The following DOK7 variants were observed in gnomAD, a reference collection of about 807,000 sequenced individuals.
DOK7 encodes docking protein 7.
Under a neutral mutation model 30.7 loss-of-function variants are expected in DOK7, and 32 were observed. That is an observed-to-expected ratio of 1.04 (90% CI 0.79 to 1.40). The LOEUF is 1.40. DOK7 is among the 40% of genes most tolerant of loss of function. The pLI is 0.00. For missense variants in DOK7, 1,007 were observed against 699.2 expected (o/e 1.44, Z -4.97); for synonymous variants, 447 against 324.1 (o/e 1.38, Z -4.07).
At chr4:3,491,497 T>C (rs1728440939) in intron 6 of DOK7, among the ~76,000 whole-genome samples, 1 of 105,506 alleles carries the variant, frequency 9.5e-6, no homozygotes, top group Non-Finnish European at 2.0e-5. Flanking sequence ...TCCTTGTCCC[T>C]CCGCTTATTC....
chr4:3,481,746 G>A (rs1727456062), intron 4 of DOK7, among the ~76,000 whole-genome samples: 1 of 152,186 alleles, frequency 6.6e-6, no homozygotes, highest in Admixed American at 6.5e-5. Flanking sequence ...TGACATCAAG[G>A]GGCAGCCACG....
At chr4:3,468,926 A>AT (rs1402129885) in intron 2 of DOK7, among the ~76,000 whole-genome samples, 40 of 122,228 alleles carry the variant, frequency 3.3e-4, no homozygotes, top group Admixed American at 6.5e-4. Context: ...TGTGTGTATG[A>AT]GTGTGCGTGC....
At chr4:3,489,109 A>G (rs1727999999) in intron 5 of DOK7, among the ~76,000 whole-genome samples, 1 of 152,144 alleles carries the variant, frequency 6.6e-6, no homozygotes, top group African/African-American at 2.4e-5. Flanking sequence ...TGCTCCCTGG[A>G]TGCAGCCCTG....
chr4:3,463,487 C>A lies in DOK7; in HGVS notation c.55-19C>A. The A allele has an allele frequency of 6.7e-7, 1 of 1,483,944 alleles. No homozygotes were observed. The highest frequency in any genetic ancestry group is 8.9e-7 in the Non-Finnish European group (1 of 1,122,440). 91.9% of individuals were successfully genotyped at this position (1,483,944 alleles called of 1,614,324 possible). Reference sequence around the variant, plus strand: ...GCGCGGGCGCGGGCGGCGGCTCACGCTCCCCCCTGTCCCCGCAGTGGAAGA... The same window carrying A: ...GCGCGGGCGCGGGCGGCGGCTCACGATCCCCCCTGTCCCCGCAGTGGAAGA... On this transcript the variant is annotated intron_variant, in intron 1 of 6. Coordinates refer to ENST00000340083, the MANE Select transcript of DOK7 (RefSeq NM_173660.5).
intron 5 of DOK7, 126 bp downstream of exon 5, chr4:3,485,784 G>A (rs1727742325): frequency 1.5e-6 from 2 of 1,320,132 alleles, no homozygotes; most frequent in African/African-American, 1.5e-5. Context: ...CCCAGCTAAG[G>A]AACCAGAACC....
intron 5 of DOK7, among the ~76,000 whole-genome samples, chr4:3,488,900 C>T (rs547007339): frequency 2.0e-5 from 3 of 151,996 alleles, no homozygotes; most frequent in Non-Finnish European, 4.4e-5. Context: ...AGCCACTTGG[C>T]CCAGTGTTCA....
In DOK7 at chr4:3,493,127, C is replaced by T. The variant is rs574663125; in HGVS notation, c.1141C>T (p.Pro381Ser). 16 of 1,594,486 alleles carry T rather than the reference C, an allele frequency of 1.0e-5. No individual in the cohort carries two copies. The African/African-American group carries it at 1.5e-4, about 15-fold the overall frequency. ...GCTCAGCCTGCCAGCAGCGGGGGCC[C>T]CCGAGCCCAGCCTGTGCACCTGCCT... Reference protein sequence around the residue: ...SLLSLPAAGAPEPSLCTCLPG... With the variant: ...SLLSLPAAGASEPSLCTCLPG... Residue 381 changes from proline to serine, a missense_variant, in exon 7 of 7, where the codon CCC becomes TCC. Pro to Ser is a moderately conservative substitution (Grantham distance 74). Coordinates refer to ENST00000340083, the MANE Select transcript of DOK7 (RefSeq NM_173660.5).
Position 3,463,443 on chromosome 4 carries a change from G to C in DOK7, c.54+14G>C. 2.2e-6 allele frequency: 3 copies of C among 1,353,644 alleles called. No individual in the cohort carries two copies. The highest frequency in any genetic ancestry group is 2.8e-6 in the Non-Finnish European group (3 of 1,059,686). The allele number at this position is 1,353,644 out of a possible 1,614,324, so 83.9% of individuals were successfully genotyped here. ...GACGGCAAGAAGGTCGGGGCGCGTC[G>C]GGGGCGCGGGGGGGGGGGGCGCGGG... On this transcript the variant is annotated intron_variant, in intron 1 of 6. Coordinates refer to ENST00000340083, the MANE Select transcript of DOK7 (RefSeq NM_173660.5).
At chr4:3,500,259 G>A in exon 7 of DOK7, 4 of 1,535,678 alleles carry the variant, frequency 2.6e-6, no homozygotes, top group Non-Finnish European at 3.5e-6. Flanking sequence ...AGGATCCCCA[G>A]GACCCGTGGC....
In DOK7 at chr4:3,474,438, G is replaced by A. The variant is rs139436711; in HGVS notation, c.331+802G>A. ...CTCATACCTGTAATTCCAGTACTTC[G>A]GGAGGCTGAGGTGGGTGGATCACCT... On this transcript the variant is annotated intron_variant, in intron 3 of 6. Transcript: ENST00000340083. Among the ~76,000 whole-genome samples the A allele has an allele frequency of 7.8e-3, 1,183 of 152,188 alleles. 15 individuals carry two copies. The highest frequency in any genetic ancestry group is 0.027 in the African/African-American group (1,125 of 41,522).
At chr4:3,468,096 ATG>A (rs1726418481) in intron 2 of DOK7, among the ~76,000 whole-genome samples, 1 of 152,148 alleles carries the variant, frequency 6.6e-6, no homozygotes, top group Non-Finnish European at 1.5e-5. Context: ...GTGCAAGTGC[ATG>A]ACTGTGTCCA....
chr4:3,486,863 G>T (rs994353546), intron 5 of DOK7, among the ~76,000 whole-genome samples: 1 of 149,834 alleles, frequency 6.7e-6, no homozygotes, highest in South Asian at 2.1e-4. Flanking sequence ...ACAGGGCCGG[G>T]CAGGGGCAGC....
intron 2 of DOK7, 36 bp from the exon 3 acceptor site, chr4:3,473,370 G>A: frequency 6.2e-7 from 1 of 1,604,810 alleles, no homozygotes; most frequent in Non-Finnish European, 8.5e-7. Context: ...GGCAGGCGGT[G>A]TTGGCTGGCG....
intron 2 of DOK7, among the ~76,000 whole-genome samples, chr4:3,468,199 C>T (rs969709553): frequency 4.4e-5 from 6 of 137,410 alleles, no homozygotes; most frequent in Non-Finnish European, 7.7e-5. Context: ...TGTGTGTGCA[C>T]AAGTGTGTGT....
intron 2 of DOK7, among the ~76,000 whole-genome samples, chr4:3,472,702 C>T (rs937663595): frequency 1.3e-5 from 2 of 152,196 alleles, no homozygotes; most frequent in African/African-American, 4.8e-5. Flanking sequence ...GTGACAGTGA[C>T]GTTGGAAAAT....
chr4:3,477,245 G>A (rs576952213), intron 4 of DOK7, among the ~76,000 whole-genome samples: 1 of 152,268 alleles, frequency 6.6e-6, no homozygotes, highest in Admixed American at 6.5e-5. Flanking sequence ...TGCAGTCCCC[G>A]CGGAGGGTGT....
At chr4:3,483,189 T>C (rs1296766634) in intron 4 of DOK7, among the ~76,000 whole-genome samples, 1 of 5,004 alleles carries the variant, frequency 2.0e-4, no homozygotes, top group Non-Finnish European at 3.3e-4. Context: ...TGAGTGGAGA[T>C]GTAGGGGTGT....
chr4:3,487,980 G>A (rs28575346), intron 5 of DOK7, among the ~76,000 whole-genome samples: 19,808 of 152,312 alleles, frequency 0.13, 1,389 homozygotes, highest in African/African-American at 0.15. Flanking sequence ...GAAAGTGCCA[G>A]GAGCTGCTAA....
chr4:3,472,929 G>C (rs963304105), intron 2 of DOK7, among the ~76,000 whole-genome samples: 1 of 152,224 alleles, frequency 6.6e-6, no homozygotes, highest in Non-Finnish European at 1.5e-5. Flanking sequence ...AGGAGGGGCG[G>C]TGGGTCTCGA....
Sources: gnomAD v4.1 joint callset for allele counts (sites outside exome capture counted in the v4.1 genomes callset) on GRCh38, gnomAD v4.1.1 for gene constraint, MANE v1.5 for transcripts, NCBI Gene and HGNC (gene_info 2026-07-23, HGNC 2026-07-21) for gene names.